RBFOX1: variants seen among roughly 807,000 people sequenced by gnomAD.
RBFOX1 encodes the protein RNA binding protein fox-1 homolog 1.
In RBFOX1, 8 loss-of-function variants were observed where a neutral mutation model predicts 57.7. The ratio of observed to expected loss-of-function variants is 0.14; its 90% CI spans 0.08 to 0.25. The LOEUF (loss-of-function observed/expected upper bound fraction) is 0.25. RBFOX1 is among the 10% of genes least tolerant of loss of function. The pLI is 1.00. For missense variants in RBFOX1, 611 were observed against 548.5 expected, an observed-to-expected ratio of 1.11 and a Z score of -1.14; for synonymous variants, 326 against 222.4, an observed-to-expected ratio of 1.47 and a Z score of -4.15.
intron 3 of RBFOX1, among the ~76,000 whole-genome samples, chr16:6,787,158 C>G (rs1185852014): frequency 6.6e-6 from 1 of 152,150 alleles, no homozygotes; most frequent in African/African-American, 2.4e-5. Flanking sequence ...GTTGATGAAA[C>G]ATTTATCAGA....
At chr16:6,533,690 A>G (rs2096693899) in intron 2 of RBFOX1, among the ~76,000 whole-genome samples, 1 of 152,142 alleles carries the variant, frequency 6.6e-6, no homozygotes, top group Non-Finnish European at 1.5e-5. Flanking sequence ...GAAACATTTA[A>G]CTCAGATCCA....
chr16:6,274,261 A>G (rs1174668573), intron 1 of RBFOX1, among the ~76,000 whole-genome samples: 1 of 152,172 alleles, frequency 6.6e-6, no homozygotes, highest in Non-Finnish European at 1.5e-5. Context: ...TGTTTGTAGC[A>G]GCTTTATTCA....
chr16:5,559,335 T>G (rs187611686), intron 2 of RBFOX1, among the ~76,000 whole-genome samples: 1 of 152,284 alleles, frequency 6.6e-6, no homozygotes, highest in Non-Finnish European at 1.5e-5. Context: ...AGGATCATAG[T>G]AAACATTGAT....
chr16:6,627,653 A>G (rs535774527), intron 2 of RBFOX1, among the ~76,000 whole-genome samples: 2 of 152,290 alleles, frequency 1.3e-5, no homozygotes, highest in South Asian at 2.1e-4. Context: ...GAGACATGTG[A>G]TAAAGTAACT....
At chr16:5,655,004 C>T (rs936909468) in intron 3 of RBFOX1, among the ~76,000 whole-genome samples, 5 of 152,202 alleles carry the variant, frequency 3.3e-5, no homozygotes, top group African/African-American at 1.2e-4. Context: ...GCCTTGCACA[C>T]TGGGTCCAGC....
Position 6,565,761 on chromosome 16 carries a change from C to T in RBFOX1, c.-63-88842C>T, listed in dbSNP as rs558642037. On this transcript the variant is annotated intron_variant, in intron 2 of 15. Transcript: ENST00000550418. ...GGGATTACAGGTGTGAGTCACTGCACCCAGCTCACTTTTTCTTTAATTTTT... is the reference window on the plus strand; with the variant it reads ...GGGATTACAGGTGTGAGTCACTGCATCCAGCTCACTTTTTCTTTAATTTTT... Among the ~76,000 whole-genome samples the T allele has an allele frequency of 3.3e-5, 5 of 152,334 alleles. No homozygotes were observed. In the East Asian group the frequency reaches 7.7e-4, roughly 24 times the overall value.
chr16:7,561,908 T>C (rs768236244), intron 5 of RBFOX1, among the ~76,000 whole-genome samples: 1 of 152,170 alleles, frequency 6.6e-6, no homozygotes, highest in African/African-American at 2.4e-5. Flanking sequence ...AAGTGGAATT[T>C]AGGATTTAGT....
intron 2 of RBFOX1, among the ~76,000 whole-genome samples, chr16:5,528,053 C>A (rs718693): frequency 0.37 from 55,884 of 151,910 alleles, 11,748 homozygotes; most frequent in East Asian, 0.85. Context: ...AACATTCAAA[C>A]ACCTATTTAC....
intron 2 of RBFOX1, among the ~76,000 whole-genome samples, chr16:6,546,770 C>A (rs896016235): frequency 6.6e-6 from 1 of 152,146 alleles, no homozygotes; most frequent in Admixed American, 6.5e-5. Flanking sequence ...TAACCCCTAG[C>A]GGATACATAT....
intron 2 of RBFOX1, among the ~76,000 whole-genome samples, chr16:5,507,922 G>A (rs2043434616): frequency 6.6e-6 from 1 of 152,130 alleles, no homozygotes; most frequent in South Asian, 2.1e-4. Flanking sequence ...TCCAGCATGA[G>A]AATGCTTATG....
intron 1 of RBFOX1, among the ~76,000 whole-genome samples, chr16:5,326,584 G>A (rs2064580095): frequency 6.6e-6 from 1 of 152,184 alleles, no homozygotes; most frequent in Admixed American, 6.5e-5. Flanking sequence ...CACAGAACAT[G>A]GAAAGCAGAT....
At chr16:7,629,053 G>A (rs370021091) in intron 10 of RBFOX1, among the ~76,000 whole-genome samples, 4 of 152,324 alleles carry the variant, frequency 2.6e-5, no homozygotes, top group African/African-American at 9.6e-5. Context: ...TTGTGTGAAG[G>A]GCTATTTTGC....
intron 3 of RBFOX1, among the ~76,000 whole-genome samples, chr16:7,008,367 C>T (rs187379942): frequency 1.8e-4 from 28 of 152,048 alleles, no homozygotes; most frequent in Non-Finnish European, 4.1e-4. Flanking sequence ...TATGATGAAA[C>T]CCTGTCTCTA....
At chr16:5,632,925 C>T (rs2151308385) in intron 3 of RBFOX1, among the ~76,000 whole-genome samples, 1 of 144,184 alleles carries the variant, frequency 6.9e-6, no homozygotes, top group South Asian at 2.2e-4. Context: ...CCTGGGCTTG[C>T]AATCTTAACA....
chr16:6,926,849 C>T (rs966371294), intron 3 of RBFOX1, among the ~76,000 whole-genome samples: 2 of 152,064 alleles, frequency 1.3e-5, no homozygotes, highest in African/African-American at 4.8e-5. Context: ...CATAAACATC[C>T]ACGTGACTCT....
chr16:6,614,228 G>T (rs748097183), intron 2 of RBFOX1, among the ~76,000 whole-genome samples: 1 of 152,106 alleles, frequency 6.6e-6, no homozygotes, highest in Non-Finnish European at 1.5e-5. Context: ...CATACTGCCT[G>T]CTGCAAGTAA....
At chr16:5,308,324 C>CA (rs1567313216) in intron 1 of RBFOX1, among the ~76,000 whole-genome samples, 5 of 98,936 alleles carry the variant, frequency 5.1e-5, no homozygotes, top group African/African-American at 1.6e-4. Flanking sequence ...GAGGCTCTGT[C>CA]TAAAAAAAAA....
chr16:7,117,038 G>A (rs1272889090), intron 4 of RBFOX1, among the ~76,000 whole-genome samples: 1 of 152,124 alleles, frequency 6.6e-6, no homozygotes, highest in Non-Finnish European at 1.5e-5. Flanking sequence ...GAAGACAAGA[G>A]GGGACAGTTT....
At chr16:5,862,414 C>A (rs1349792464) in intron 3 of RBFOX1, among the ~76,000 whole-genome samples, 1 of 152,060 alleles carries the variant, frequency 6.6e-6, no homozygotes, top group Admixed American at 6.6e-5. Context: ...TGCTGCCTGG[C>A]GGGTCGCTTG....
Sources: allele counts gnomAD v4.1 joint callset (sites outside exome capture counted in the v4.1 genomes callset), GRCh38; gene constraint gnomAD v4.1.1; transcripts MANE v1.5; gene names NCBI Gene and HGNC (gene_info 2026-07-23, HGNC 2026-07-21).